Variants in DAAM2 observed in about 807,000 individuals in gnomAD.
DAAM2 encodes the protein dishevelled associated activator of morphogenesis 2, also known as disheveled-associated activator of morphogenesis 2.
A neutral mutation model predicts 120.7 loss-of-function variants in DAAM2; 39 were observed. That is an observed-to-expected ratio of 0.32 (90% CI 0.25 to 0.42). DAAM2 has a LOEUF of 0.42. DAAM2 is among the 10% of genes least tolerant of loss of function. The pLI is 1.00. For synonymous variants in DAAM2, 488 were observed against 524.9 expected, an observed-to-expected ratio of 0.93 and a Z score of 0.96; for missense variants, 1,283 against 1,401.7, an observed-to-expected ratio of 0.92 and a Z score of 1.35.
chr6:39,839,976 C>A (rs768849943), intron 1 of DAAM2, among the ~76,000 whole-genome samples: 12 of 152,208 alleles, frequency 7.9e-5, no homozygotes, highest in Non-Finnish European at 1.5e-5. Context: ...CTCATAATCC[C>A]AGCACTTTGG....
chr6:39,871,464 T>G, intron 8 of DAAM2, 42 bp from the exon 9 acceptor site: 1 of 1,529,276 alleles, frequency 6.5e-7, no homozygotes, highest in Admixed American at 2.0e-5. Flanking sequence ...GGGTGTGTCC[T>G]GGCTGTAATG....
At chr6:39,888,640 T>G (rs1562056624) in intron 16 of DAAM2, 39 bp from the exon 17 acceptor site, 1 of 1,591,150 alleles carries the variant, frequency 6.3e-7, no homozygotes, top group Non-Finnish European at 8.6e-7. Flanking sequence ...AGAAGAAGGT[T>G]TGAGGGCTGT....
chr6:39,817,265 C>T (rs963751307), intron 1 of DAAM2, among the ~76,000 whole-genome samples: 7 of 152,196 alleles, frequency 4.6e-5, no homozygotes, highest in African/African-American at 1.7e-4. Context: ...GGGTTTCTCT[C>T]CTTGCCCCCT....
chr6:39,856,487 G>A lies in DAAM2; in HGVS notation c.168+17G>A. 3 of 1,424,360 alleles carry A rather than the reference G, an allele frequency of 2.1e-6. No individual in the cohort carries two copies. The allele number at this position is 1,424,360 out of a possible 1,614,324, so 88.2% of individuals were successfully genotyped here. A position where few individuals can be genotyped will look rare whatever the true frequency, so the allele number is the denominator to read the frequency against. Reference sequence around the variant, plus strand: ...GAGCTGGTGGTCAGTGAGAGGGTGGGGAGAGACAGTGACAATGGGGAGGAG... The same window carrying A: ...GAGCTGGTGGTCAGTGAGAGGGTGGAGAGAGACAGTGACAATGGGGAGGAG... On this transcript the variant is annotated intron_variant, in intron 2 of 24. Transcript: ENST00000274867.
Position 39,897,217 on chromosome 6 carries a change from G to A in DAAM2, c.2553G>A (p.Lys851=), listed in dbSNP as rs1412497477. ...LLHYLIMILE[K]HFPDILNMPS... ...ATTACCTGATCATGATCCTGGAGAA[G>A]CATTTTCCTGATATTCTAAACATGC... Residue 851 remains lysine (K), a synonymous_variant, in exon 21 of 25, where the codon AAG becomes AAA. Coordinates refer to ENST00000274867, the MANE Select transcript of DAAM2 (RefSeq NM_001201427.2). The A allele has an allele frequency of 1.9e-6, 3 of 1,613,714 alleles. No individual in the cohort carries two copies. The highest frequency in any genetic ancestry group is 2.5e-6 in the Non-Finnish European group (3 of 1,179,794).
chr6:39,872,114 T>G (rs753175835), intron 9 of DAAM2, among the ~76,000 whole-genome samples: 2 of 152,146 alleles, frequency 1.3e-5, no homozygotes, highest in Non-Finnish European at 2.9e-5. Context: ...AGTATGGTAG[T>G]AGGGTTCTAG....
In DAAM2 at chr6:39,867,691, A is replaced by G; in HGVS notation, c.610A>G (p.Ile204Val). ...GGCACAGCCTGAGGCCATTAGTACC[A>G]TAGCCCAGAGCCTACGCACAGAGAA... ...VLAQPEAIST[I>V]AQSLRTENSK... The change falls in exon 6 of 25, where the codon ATA (isoleucine) becomes GTA (valine). Residue 204 changes from isoleucine (I) to valine (V), a missense_variant. This residue lies in a region of DAAM2 where 338 missense variants were observed against 443.9 expected (regional missense o/e 0.76). Coordinates refer to ENST00000274867, the MANE Select transcript of DAAM2 (RefSeq NM_001201427.2). The G allele has an allele frequency of 1.2e-6, 2 of 1,614,072 alleles. No individual in the cohort carries two copies. The highest frequency in any genetic ancestry group is 1.7e-6 in the Non-Finnish European group (2 of 1,179,908).
rs1764865231 is a variant in DAAM2 at position 39,876,297 on chromosome 6, A to G, written c.1301+829A>G. Among the ~76,000 whole-genome samples the G allele has an allele frequency of 3.9e-5, 6 of 152,208 alleles. No homozygotes were observed. In the South Asian group the frequency reaches 1.2e-3, roughly 32 times the overall value. On this transcript the variant is annotated intron_variant, in intron 11 of 24. Coordinates refer to ENST00000274867, the MANE Select transcript of DAAM2 (RefSeq NM_001201427.2). ...CCTTAAGGAGATAAATTGGCTGTCA[A>G]TGATTCATTATGTTGCATTCCAAAG... is the stretch of plus-strand genomic sequence containing the variant.
intron 1 of DAAM2, among the ~76,000 whole-genome samples, chr6:39,836,706 G>A (rs1320457743): frequency 1.3e-5 from 2 of 152,276 alleles, no homozygotes; most frequent in South Asian, 2.1e-4. Context: ...GCTTGAGAAC[G>A]GCTGGTTTGG....
chr6:39,855,232 C>T (rs1468713210), intron 1 of DAAM2, among the ~76,000 whole-genome samples: 1 of 152,164 alleles, frequency 6.6e-6, no homozygotes, highest in Non-Finnish European at 1.5e-5. Flanking sequence ...ATGATTCTGC[C>T]TCTCAGGAGG....
intron 1 of DAAM2, among the ~76,000 whole-genome samples, chr6:39,805,796 C>A (rs1378781735): frequency 6.6e-6 from 1 of 152,146 alleles, no homozygotes; most frequent in Non-Finnish European, 1.5e-5. Flanking sequence ...TCATGATCCA[C>A]CCGCCTTGGC....
chr6:39,891,730 T>C lies in DAAM2; in HGVS notation c.2341+8T>C, dbSNP rs1765732457. ...CAAAGCCCAAAGTGGAAGGTAGGGC[T>C]GAGGGTTGCAGGAGGCTTAGAGTGG... On this transcript the variant is annotated splice_region_variant and intron_variant, in intron 19 of 24. Transcript: ENST00000274867. The C allele has an allele frequency of 6.3e-7, 1 of 1,593,654 alleles. No individual in the cohort carries two copies. Among genetic ancestry groups the C allele is most frequent in the Non-Finnish European group, 8.5e-7 (1 of 1,169,878 alleles).
rs144102312 is a variant in DAAM2, at chr6:39,896,194, T to TTTTTTTTC, written c.2342-612_2342-611insTCTTTTTT. On this transcript the variant is annotated intron_variant, in intron 19 of 24. Transcript: ENST00000274867. ...TCATGGAAAGAATATCTGAATAATC[T>TTTTTTTTC]TTTTTTCTTTTTTCTTTTTTCTTTT... is the stretch of plus-strand genomic sequence containing the variant. Among the ~76,000 whole-genome samples the TTTTTTTTC allele has an allele frequency of 0.012, 1,849 of 148,992 alleles. 161 individuals are homozygous for TTTTTTTTC. In the East Asian group the frequency reaches 0.24, roughly 20 times the overall value.
At chr6:39,880,388 G>A (rs888006111) in intron 14 of DAAM2, among the ~76,000 whole-genome samples, 1 of 152,174 alleles carries the variant, frequency 6.6e-6, no homozygotes, top group African/African-American at 2.4e-5. Flanking sequence ...CTAAGTAGGT[G>A]GTCAGCTATC....
At chr6:39,869,722 T>C (rs1277786784) in intron 7 of DAAM2, among the ~76,000 whole-genome samples, 1 of 150,932 alleles carries the variant, frequency 6.6e-6, no homozygotes, top group Non-Finnish European at 1.5e-5. Context: ...AATTTAATGA[T>C]CTTTACTTTC....
intron 1 of DAAM2, among the ~76,000 whole-genome samples, chr6:39,849,824 T>C (rs1268318201): frequency 6.6e-6 from 1 of 152,074 alleles, no homozygotes; most frequent in Non-Finnish European, 1.5e-5. Context: ...TGGTAGTGTC[T>C]CTTGGGACAC....
In DAAM2 at chr6:39,888,629, GAGA is replaced by G. The variant is rs546908684; in HGVS notation, c.2061-44_2061-42del. The G allele has an allele frequency of 6.9e-4, 1,056 of 1,541,300 alleles. 9 individuals are homozygous for G. The African/African-American group carries it at 0.012, about 18-fold the overall frequency. On this transcript the variant is annotated intron_variant, in intron 16 of 24. Coordinates refer to ENST00000274867, the MANE Select transcript of DAAM2 (RefSeq NM_001201427.2). ...GGGAAGGCGGAGGTGGTACCTTTTG[GAGA>G]AGAAGGTTTGAGGGCTGTCCTGGAT...
rs1460975943 is a variant in DAAM2 at position 39,902,309 on chromosome 6, A to G, written c.*272A>G. On this transcript the variant is annotated 3_prime_UTR_variant, in exon 25 of 25. Coordinates refer to ENST00000274867, the MANE Select transcript of DAAM2 (RefSeq NM_001201427.2). ...GGATGGCCTCAGGCCAGGTAACCCC[A>G]GGCTGAAGGGGCCCTGCTCCCCATC... 5.9e-6 allele frequency: 2 copies of G among 338,462 alleles called. No individual in the cohort carries two copies. The highest frequency in any genetic ancestry group is 5.3e-6 in the Non-Finnish European group (1 of 187,274). The allele number at this position is 338,462 out of a possible 1,614,324, so 21.0% of individuals were successfully genotyped here.
Position 39,792,389 on chromosome 6 carries a change from A to G in DAAM2, c.-133A>G, listed in dbSNP as rs1264189389. 1 of 152,210 alleles carries G rather than the reference A, an allele frequency of 6.6e-6. No homozygotes were observed. The highest frequency in any genetic ancestry group is 1.5e-5 in the Non-Finnish European group (1 of 68,094). 9.4% of individuals were successfully genotyped at this position (152,210 alleles called of 1,614,324 possible). On this transcript the variant is annotated 5_prime_UTR_variant, in exon 1 of 25. Coordinates refer to ENST00000274867, the MANE Select transcript of DAAM2 (RefSeq NM_001201427.2). Reference sequence around the variant, plus strand: ...CGGCTTCCCGGGGATAGCGCGGAGCACGCAGCAGCGAGCGGAGCGCGGGCG... The same window carrying G: ...CGGCTTCCCGGGGATAGCGCGGAGCGCGCAGCAGCGAGCGGAGCGCGGGCG...
Sources: allele counts gnomAD v4.1 joint callset (sites outside exome capture counted in the v4.1 genomes callset), GRCh38; gene constraint gnomAD v4.1.1; regional missense constraint gnomAD v4.1.1; transcripts MANE v1.5; gene names NCBI Gene and HGNC (gene_info 2026-07-23, HGNC 2026-07-21).